SRGAP3: variants seen among roughly 807,000 people sequenced by gnomAD.
The protein encoded by SRGAP3 is SLIT-ROBO Rho GTPase activating protein 3, also known as SLIT-ROBO Rho GTPase-activating protein 3.
A neutral mutation model predicts 121.1 loss-of-function variants in SRGAP3; 39 were observed. That is an observed-to-expected ratio of 0.32 (90% CI 0.25 to 0.42). The LOEUF (loss-of-function observed/expected upper bound fraction) is 0.42, where lower values mean the gene tolerates loss of function less well. SRGAP3 is among the 10% of genes least tolerant of loss of function. The probability of loss-of-function intolerance (pLI) is 1.00; values close to 1 mark genes in which losing one functional copy is unlikely to be tolerated. For missense variants in SRGAP3, 1,213 were observed against 1,470.6 expected, an observed-to-expected ratio of 0.82 and a Z score of 2.86; for synonymous variants, 601 against 570.0, an observed-to-expected ratio of 1.05 and a Z score of -0.77.
chr3:9,177,708 T>C (rs1951228377), intron 1 of SRGAP3, among the ~76,000 whole-genome samples: 1 of 152,206 alleles, frequency 6.6e-6, no homozygotes, highest in African/African-American at 2.4e-5. Flanking sequence ...CTCTCTTTTC[T>C]GGCATCAACA....
intron 1 of SRGAP3, among the ~76,000 whole-genome samples, chr3:9,157,873 C>G (rs1950471366): frequency 6.6e-6 from 1 of 152,100 alleles, no homozygotes. Context: ...GGAAGTAATC[C>G]TACAGGAAAA....
chr3:9,179,056 C>G (rs201388430), intron 1 of SRGAP3, among the ~76,000 whole-genome samples: 1 of 152,180 alleles, frequency 6.6e-6, no homozygotes, highest in Non-Finnish European at 1.5e-5. Context: ...TCCTGCCCAT[C>G]GAACAAGATC....
intron 1 of SRGAP3, among the ~76,000 whole-genome samples, chr3:9,353,435 C>T (rs926409402): frequency 2.6e-5 from 4 of 152,216 alleles, no homozygotes; most frequent in African/African-American, 9.6e-5. Flanking sequence ...CCTTTCCAAA[C>T]GAATGAGCTG....
intron 4 of SRGAP3, among the ~76,000 whole-genome samples, chr3:9,065,930 C>T (rs540582481): frequency 2.2e-4 from 33 of 152,192 alleles, no homozygotes; most frequent in African/African-American, 7.7e-4. Context: ...TTTTAATCCA[C>T]CACTTTTTCT....
In SRGAP3 at chr3:8,990,495, T is replaced by C; in HGVS notation, c.2886+17A>G. 1 of 1,550,580 alleles carries C rather than the reference T, an allele frequency of 6.4e-7. No homozygotes were observed. The highest frequency in any genetic ancestry group is 8.7e-7 in the Non-Finnish European group (1 of 1,147,330). ...GGGGCTTTTGGCTGCCCAGCCTGCC[T>C]TCCCGCTGGCCCTTACTTCTGCCAG... On this transcript the variant is annotated intron_variant, in intron 21 of 21. Transcript: ENST00000383836.
chr3:9,078,485 T>C (rs1017898833), intron 4 of SRGAP3, among the ~76,000 whole-genome samples: 1 of 152,130 alleles, frequency 6.6e-6, no homozygotes, highest in Non-Finnish European at 1.5e-5. Flanking sequence ...TACAACAGCC[T>C]ACCTCACACC....
At chr3:9,195,137 C>G (rs760812119) in intron 1 of SRGAP3, among the ~76,000 whole-genome samples, 1 of 152,226 alleles carries the variant, frequency 6.6e-6, no homozygotes, top group Non-Finnish European at 1.5e-5. Context: ...GCACATAGCT[C>G]TCCATCACAT....
At chr3:9,313,679 A>T (rs897674960) in intron 3 of SRGAP3, among the ~76,000 whole-genome samples, 3 of 133,220 alleles carry the variant, frequency 2.3e-5, no homozygotes, top group African/African-American at 9.4e-5. Flanking sequence ...TCTATGTCTT[A>T]AAAAAAAAAA....
At chr3:9,107,206 C>A (rs1948448458) in intron 2 of SRGAP3, among the ~76,000 whole-genome samples, 1 of 152,204 alleles carries the variant, frequency 6.6e-6, no homozygotes, top group South Asian at 2.1e-4. Context: ...AACTAGAATC[C>A]CTCAGCATCT....
At chr3:9,166,211 C>T (rs1443472516) in intron 1 of SRGAP3, among the ~76,000 whole-genome samples, 1 of 152,152 alleles carries the variant, frequency 6.6e-6, no homozygotes, top group Non-Finnish European at 1.5e-5. Flanking sequence ...TCAGTTAATC[C>T]TTCCCCACTA....
intron 1 of SRGAP3, among the ~76,000 whole-genome samples, chr3:9,164,995 T>A (rs573741992): frequency 8.5e-5 from 13 of 152,246 alleles, no homozygotes; most frequent in Non-Finnish European, 1.6e-4. Context: ...TGGAGTCCCA[T>A]GATCCCATAC....
rs945655862 is a variant in SRGAP3, at chr3:9,051,022, T to C, written c.1323+2005A>G. 4.6e-3 allele frequency among the ~76,000 whole-genome samples: 505 copies of C among 109,334 alleles called. 14 individuals carry two copies. The highest frequency in any genetic ancestry group is 0.017 in the African/African-American group (489 of 29,434). 71.7% of individuals were successfully genotyped at this position (109,334 alleles called of 152,430 possible). On this transcript the variant is annotated intron_variant, in intron 9 of 21. Transcript: ENST00000383836. ...AATCAATATTAGCCTCATTGCTTTT[T>C]TTTTTTTTTTTTTTTTTTTTTTTTG...
intron 1 of SRGAP3, chr3:9,349,302 C>CTGT (rs1342239576): frequency 2.3e-6 from 1 of 429,070 alleles, no homozygotes; most frequent in African/African-American, 2.0e-5. Flanking sequence ...GCATCTTGAG[C>CTGT]TGTAGCTGCA....
intron 8 of SRGAP3, among the ~76,000 whole-genome samples, chr3:9,055,677 T>C (rs561592785): frequency 7.4e-4 from 113 of 152,340 alleles, no homozygotes; most frequent in Admixed American, 6.5e-4. Context: ...CTGTTATTTC[T>C]AATGATAAAA....
chr3:9,069,773 C>A (rs1462246568), intron 4 of SRGAP3, among the ~76,000 whole-genome samples: 1 of 152,074 alleles, frequency 6.6e-6, no homozygotes, highest in Non-Finnish European at 1.5e-5. Flanking sequence ...ATAGTGAAAC[C>A]CTGTCTCTAC....
At chr3:9,123,394 CACAATACACAT>C (rs1262511038) in intron 2 of SRGAP3, among the ~76,000 whole-genome samples, 4 of 132,860 alleles carry the variant, frequency 3.0e-5, no homozygotes, top group African/African-American at 1.1e-4. Flanking sequence ...TATATACATA[CACAATACACAT>C]ACATACACAT....
intron 1 of SRGAP3, among the ~76,000 whole-genome samples, chr3:9,347,892 C>T (rs1201124123): frequency 4.6e-5 from 7 of 152,162 alleles, no homozygotes; most frequent in Non-Finnish European, 1.0e-4. Context: ...TTTCCATTCC[C>T]GTATGGAGGA....
rs182393591 is a variant in SRGAP3, at chr3:9,326,470, T to C, written n.284-302A>G. ...TAAGTCACCACATCAATATATTCAG[T>C]TTGGATTATTTTATCTTTTCCATGG... On this transcript the variant is annotated intron_variant and non_coding_transcript_variant, in intron 2 of 3. Transcript: ENST00000490889. 2.0e-3 allele frequency among the ~76,000 whole-genome samples: 305 copies of C among 151,908 alleles called. 4 individuals carry two copies. The highest frequency in any genetic ancestry group is 3.6e-3 in the Non-Finnish European group (242 of 67,996).
intron 1 of SRGAP3, among the ~76,000 whole-genome samples, chr3:9,176,571 A>G (rs1442867485): frequency 6.6e-6 from 1 of 152,178 alleles, no homozygotes; most frequent in Non-Finnish European, 1.5e-5. Flanking sequence ...GTTGGGTAAT[A>G]TATAAGAAAA....
Sources: gnomAD v4.1 joint callset for allele counts (sites outside exome capture counted in the v4.1 genomes callset) on GRCh38, gnomAD v4.1.1 for gene constraint, MANE v1.5 for transcripts, NCBI Gene and HGNC (gene_info 2026-07-23, HGNC 2026-07-21) for gene names.